The following NOTCH2 variants were observed in gnomAD, a reference collection of about 807,000 sequenced individuals.
The protein encoded by NOTCH2 is neurogenic locus notch homolog protein 2.
A neutral mutation model predicts 235.8 loss-of-function variants in NOTCH2; 29 were observed. That is an observed-to-expected ratio of 0.12 (90% CI 0.09 to 0.17). The LOEUF (loss-of-function observed/expected upper bound fraction) is 0.17. Among genes scored for constraint, NOTCH2 ranks in the 10% least tolerant of loss-of-function variants. NOTCH2 has a pLI of 1.00. For missense variants in NOTCH2, 2,285 were observed against 3,150.2 expected, an observed-to-expected ratio of 0.73 and a Z score of 6.57; for synonymous variants, 1,086 against 1,141.5, an observed-to-expected ratio of 0.95 and a Z score of 0.98.
Position 119,968,016 on chromosome 1 carries a change from T to C in NOTCH2, c.1264+61A>G, listed in dbSNP as rs1229379777. ...GCTTCTACAGTAAAATGTGCTTCAG[T>C]TTAAACATTTGCTGAGCTCAACAGA... is the stretch of plus-strand genomic sequence containing the variant. On this transcript the variant is annotated intron_variant, in intron 7 of 33. Transcript: ENST00000256646. 3 of 1,596,932 alleles carry C rather than the reference T, an allele frequency of 1.9e-6. No homozygotes were observed. The African/African-American group carries it at 4.0e-5, about 21-fold the overall frequency.
chr1:119,955,023 A>C lies in NOTCH2; in HGVS notation c.2219+17T>G. 6.2e-7 allele frequency: 1 copy of C among 1,612,690 alleles called. No individual in the cohort carries two copies. ...ACACAGGTCAATAAGAAACTATCAC[A>C]TGGGGCAGCTACTCACCCACTGAGA... On this transcript the variant is annotated intron_variant, in intron 13 of 33. Transcript: ENST00000256646.
intron 7 of NOTCH2, among the ~76,000 whole-genome samples, 200 bp downstream of exon 7, chr1:119,967,877 G>A (rs781915160): frequency 3.3e-5 from 5 of 152,258 alleles, no homozygotes; most frequent in Admixed American, 2.6e-4. Context: ...AAGTACATAC[G>A]TTTCATACAG....
intron 4 of NOTCH2, among the ~76,000 whole-genome samples, chr1:119,987,628 C>T (rs1324061152): frequency 3.3e-5 from 5 of 152,110 alleles, no homozygotes; most frequent in Admixed American, 6.6e-5. Flanking sequence ...GCAAGCTATT[C>T]GTACATGGTA....
intron 1 of NOTCH2, among the ~76,000 whole-genome samples, chr1:120,037,103 T>A (rs1371153515): frequency 1.3e-4 from 20 of 152,148 alleles, no homozygotes; most frequent in Admixed American, 3.3e-4. Context: ...CTGTCGTCTA[T>A]CTCACATGAT....
At position 119,953,465 on chromosome 1, in the gene NOTCH2, A is replaced by G. The variant is rs1553198031; in HGVS notation, c.2365+78T>C. The stretch of plus-strand genomic sequence containing the variant: ...CGAATGAATGAAAAAGAGAAAAGGA[A>G]ACTAAGAAGTGAGTCAAGCAGTATG... On this transcript the variant is annotated intron_variant, in intron 14 of 33. Coordinates refer to ENST00000256646, the MANE Select transcript of NOTCH2 (RefSeq NM_024408.4). 5 of 1,463,654 alleles carry G rather than the reference A, an allele frequency of 3.4e-6. No individual in the cohort carries two copies. The African/African-American group carries it at 7.0e-5, about 21-fold the overall frequency. The allele number at this position is 1,463,654 out of a possible 1,614,324, so 90.7% of individuals were successfully genotyped here. A position where few individuals can be genotyped will look rare whatever the true frequency, so the allele number is the denominator to read the frequency against.
chr1:119,953,778 T>TA, intron 13 of NOTCH2, 90 bp from the exon 14 acceptor site: 1 of 1,095,948 alleles, frequency 9.1e-7, no homozygotes, highest in South Asian at 1.2e-5. Context: ...AGAAATGGGG[T>TA]AAACTGATCT....
intron 5 of NOTCH2, among the ~76,000 whole-genome samples, chr1:119,970,971 C>T (rs895754176): frequency 6.6e-5 from 10 of 152,184 alleles, no homozygotes; most frequent in Admixed American, 4.6e-4. Context: ...AATATTTGTG[C>T]TTGGAAAATG....
intron 16 of NOTCH2, 115 bp from the exon 17 acceptor site, chr1:119,948,681 T>C (rs1650348553): frequency 8.0e-7 from 1 of 1,252,664 alleles, no homozygotes; most frequent in African/African-American, 1.5e-5. Context: ...ACAAACTGGT[T>C]GGCCCCCTGC....
rs1486915914 is a variant in NOTCH2, at chr1:119,926,431, C to T, written c.4005+68G>A. ...GAAGATTGGTAAAACCAGGTTTAAT[C>T]TCAGTTCTGTTCACAGATTGTATGG... On this transcript the variant is annotated intron_variant, in intron 24 of 33. Coordinates refer to ENST00000256646, the MANE Select transcript of NOTCH2 (RefSeq NM_024408.4). The T allele has an allele frequency of 3.3e-6, 4 of 1,200,458 alleles. No individual in the cohort carries two copies. The African/African-American group carries it at 4.5e-5, about 13-fold the overall frequency. The allele number at this position is 1,200,458 out of a possible 1,614,324, so 74.4% of individuals were successfully genotyped here. A position where few individuals can be genotyped will look rare whatever the true frequency, so the allele number is the denominator to read the frequency against.
rs1417065100 is a variant in NOTCH2, at chr1:120,069,597, GGCCGCCGCCTCA to G, written c.-203_-192del. 8 of 1,408,724 alleles carry G rather than the reference GGCCGCCGCCTCA, an allele frequency of 5.7e-6. No homozygotes were observed. The African/African-American group carries it at 6.1e-5, about 11-fold the overall frequency. 87.3% of individuals were successfully genotyped at this position (1,408,724 alleles called of 1,614,324 possible). ...CCGCGCCCCGAGTCCGCCGCTCCTC[GGCCGCCGCCTCA>G]GCCGCCGCCCGAAGTTTGGCTGAAA... On this transcript the variant is annotated 5_prime_UTR_variant, in exon 1 of 34. Coordinates refer to ENST00000256646, the MANE Select transcript of NOTCH2 (RefSeq NM_024408.4).
chr1:119,986,872 A>G, intron 5 of NOTCH2, 88 bp downstream of exon 5: 1 of 1,566,160 alleles, frequency 6.4e-7, no homozygotes, highest in Non-Finnish European at 8.8e-7. Flanking sequence ...CAGGCCTAAG[A>G]TATTTGTTAC....
rs2101156126 is a variant in NOTCH2 at position 119,922,687 on chromosome 1, C to G, written c.4951G>C (p.Ala1651Pro). 1 of 1,614,156 alleles carries G rather than the reference C, an allele frequency of 6.2e-7. No homozygotes were observed. The change falls in exon 27 of 34, where the codon GCC (alanine) becomes CCC (proline). Residue 1651 changes from alanine to proline, a missense_variant. Transcript: ENST00000256646. ...AGGGTCCCCTGTATGGCGTGAGAGG[C>G]CAGGAGAGCTGCTGCTGCATCCGTG... ...KNTDAAAALL[A>P]SHAIQGTLSY...
At chr1:120,000,963 G>C (rs1223884786) in intron 3 of NOTCH2, among the ~76,000 whole-genome samples, 2 of 151,754 alleles carry the variant, frequency 1.3e-5, no homozygotes, top group African/African-American at 2.4e-5. Flanking sequence ...TTGTGGGAGG[G>C]ACCCAGTGGG....
chr1:119,943,611 A>G (rs587756767), intron 17 of NOTCH2, among the ~76,000 whole-genome samples: 1 of 152,224 alleles, frequency 6.6e-6, no homozygotes, highest in East Asian at 1.9e-4. Flanking sequence ...TTTTTAAAAA[A>G]GATTTTTAAA....
Position 119,967,440 on chromosome 1 carries a change from G to A in NOTCH2, c.1446C>T (p.Cys482=), listed in dbSNP as rs2101143629. Residue 482 remains cysteine, a synonymous_variant, in exon 8 of 34, where the codon TGC becomes TGT. Transcript: ENST00000256646. ...GCTGATGGGCCCATTTACCTGGCAT[G>A]CACAGACATGTGAAGCCTCCAATCT... ...LDKIGGFTCL[C]MPGFKGVHCE... 2 of 1,613,984 alleles carry A rather than the reference G, an allele frequency of 1.2e-6. No individual in the cohort carries two copies. Among genetic ancestry groups the A allele is most frequent in the East Asian group, 2.2e-5 (1 of 44,874 alleles).
At position 119,929,083 on chromosome 1, in the gene NOTCH2, T is replaced by G. The variant is rs1649567412; in HGVS notation, c.3785A>C (p.Glu1262Ala). ...CLPGFAGERC[E>A]GDINECLSNP... ...GGAGAGGCACTCGTTGATGTCTCCC[T>G]CACAACGCTCCCCAGCAAAGCCAGG... The change falls in exon 23 of 34, where the codon GAG (glutamate) becomes GCG (alanine). Residue 1262 changes from glutamate (E) to alanine (A), a missense_variant. Transcript: ENST00000256646. 11 of 1,614,166 alleles carry G rather than the reference T, an allele frequency of 6.8e-6. No individual in the cohort carries two copies. The highest frequency in any genetic ancestry group is 9.3e-6 in the Non-Finnish European group (11 of 1,180,036).
intron 4 of NOTCH2, among the ~76,000 whole-genome samples, chr1:119,988,350 A>C (rs1305415117): frequency 6.6e-6 from 1 of 152,194 alleles, no homozygotes; most frequent in East Asian, 1.9e-4. Context: ...ACTCCATGGA[A>C]GACAGAAATC....
intron 2 of NOTCH2, among the ~76,000 whole-genome samples, chr1:120,006,843 C>T (rs1409515037): frequency 6.6e-6 from 1 of 152,134 alleles, no homozygotes; most frequent in Non-Finnish European, 1.5e-5. Context: ...GTGCTTTTGT[C>T]TTTGACAGTC....
At position 119,915,292 on chromosome 1, in the gene NOTCH2, G is replaced by A. The variant is rs747980346; in HGVS notation, c.*14C>T. ...CAAAAGTCAGTTATGTCTCTACACT[G>A]GAGGTGGACTCTCTCACGCATAAAC... On this transcript the variant is annotated 3_prime_UTR_variant, in exon 34 of 34. Transcript: ENST00000256646. 8.1e-6 allele frequency: 13 copies of A among 1,611,908 alleles called. No homozygotes were observed. The highest frequency in any genetic ancestry group is 1.1e-5 in the Non-Finnish European group (13 of 1,179,734).
Sources: gnomAD v4.1 joint callset for allele counts (sites outside exome capture counted in the v4.1 genomes callset) on GRCh38, gnomAD v4.1.1 for gene constraint, MANE v1.5 for transcripts, NCBI Gene and HGNC (gene_info 2026-07-23, HGNC 2026-07-21) for gene names.